Variants in ROBO2 observed in about 807,000 individuals in gnomAD.
The protein encoded by ROBO2 is roundabout guidance receptor 2.
A neutral mutation model predicts 160.8 loss-of-function variants in ROBO2; 53 were observed. The ratio of observed to expected loss-of-function variants is 0.33; its 90% CI spans 0.26 to 0.41. The LOEUF (loss-of-function observed/expected upper bound fraction) is 0.41. Among genes scored for constraint, ROBO2 ranks in the 10% least tolerant of loss-of-function variants. The probability of loss-of-function intolerance (pLI) is 1.00; values close to 1 mark genes in which losing one functional copy is unlikely to be tolerated. For missense variants in ROBO2, 1,577 were observed against 1,722.4 expected (o/e 0.92, Z 1.49); for synonymous variants, 664 against 611.7 (o/e 1.09, Z -1.26).
intron 5 of ROBO2, among the ~76,000 whole-genome samples, chr3:77,503,537 A>T (rs2087970371): frequency 1.4e-5 from 2 of 147,738 alleles, no homozygotes; most frequent in African/African-American, 5.1e-5. Context: ...ATAAATAAAT[A>T]AATAAATAAA....
Position 76,524,826 on chromosome 3 carries a change from TAAAAAAAAAAAAAAAAAA to T in ROBO2, c.110-573165_110-573148del, listed in dbSNP as rs58091252. Among the ~76,000 whole-genome samples the T allele has an allele frequency of 1.1e-3, 23 of 21,740 alleles. 1 individual carries two copies. Among genetic ancestry groups the T allele is most frequent in the Admixed American group, 5.7e-3 (7 of 1,230 alleles). 14.3% of individuals were successfully genotyped at this position (21,740 alleles called of 152,430 possible). A position where few individuals can be genotyped will look rare whatever the true frequency, so the allele number is the denominator to read the frequency against. ...TAAAAACCTATGACCCTCTTATTCCTAAAAAAAAAAAAAAAAAAAAAAAAAAAAAAAAAAAAAAAATAA... is the reference window on the plus strand; with the variant it reads ...TAAAAACCTATGACCCTCTTATTCCTAAAAAAAAAAAAAAAAAAAAAATAA... On this transcript the variant is annotated intron_variant, in intron 2 of 26. Coordinates refer to the ROBO2 transcript ENST00000487694.
chr3:76,937,202 G>A (rs2077762189), intron 2 of ROBO2, among the ~76,000 whole-genome samples: 1 of 152,104 alleles, frequency 6.6e-6, no homozygotes, highest in South Asian at 2.1e-4. Context: ...GTCCATAGAA[G>A]GGCTAGGTCA....
At chr3:76,160,536 A>G (rs898106699) in intron 2 of ROBO2, among the ~76,000 whole-genome samples, 2 of 152,160 alleles carry the variant, frequency 1.3e-5, no homozygotes, top group East Asian at 1.9e-4. Context: ...TGCAAGCTTC[A>G]TCTTCATCGC....
intron 2 of ROBO2, among the ~76,000 whole-genome samples, chr3:76,265,145 G>A (rs1363000754): frequency 1.3e-5 from 2 of 152,116 alleles, no homozygotes; most frequent in Non-Finnish European, 2.9e-5. Flanking sequence ...CTGGAGGCAC[G>A]TGAGTCCCTG....
At position 77,003,695 on chromosome 3, in the gene ROBO2, G is replaced by A. The variant is rs190167401; in HGVS notation, c.110-94319G>A. Among the ~76,000 whole-genome samples the A allele has an allele frequency of 6.2e-4, 94 of 152,110 alleles. No individual in the cohort carries two copies. In the East Asian group the frequency reaches 0.018, roughly 29 times the overall value. ...CCTACCTCAGCCTCCCATTGCAAGC[G>A]CCTGCCACCACACCCGGCTAATTTT... On this transcript the variant is annotated intron_variant, in intron 2 of 26. Coordinates refer to the ROBO2 transcript ENST00000487694.
At chr3:76,871,822 G>T (rs2072123118) in intron 2 of ROBO2, among the ~76,000 whole-genome samples, 1 of 152,140 alleles carries the variant, frequency 6.6e-6, no homozygotes. Context: ...GTAGCCACCA[G>T]CTCTTGCTTA....
chr3:76,624,796 CAAAAAAAAAAAAAAAAAAAA>C (rs57920315), intron 2 of ROBO2, among the ~76,000 whole-genome samples: 7 of 46,324 alleles, frequency 1.5e-4, no homozygotes, highest in African/African-American at 6.2e-4. Flanking sequence ...GACTCCGTCT[CAAAAAAAAAAAAAAAAAAAA>C]AAAAAAAAAA....
At chr3:76,531,687 C>T (rs1447785) in intron 2 of ROBO2, among the ~76,000 whole-genome samples, 6,705 of 143,874 alleles carry the variant, frequency 0.047, 555 homozygotes, top group African/African-American at 0.16. Context: ...CAACAGTAAT[C>T]CAATGAAGTT....
intron 20 of ROBO2, among the ~76,000 whole-genome samples, chr3:77,607,401 GACCT>G (rs2094546192): frequency 1.3e-5 from 2 of 152,152 alleles, no homozygotes; most frequent in South Asian, 4.1e-4. Flanking sequence ...TATATCCTTA[GACCT>G]TGCATTTTCC....
intron 9 of ROBO2, 103 bp from the exon 11 acceptor site, chr3:77,562,548 A>G (rs1431372983): frequency 7.8e-6 from 6 of 768,928 alleles, no homozygotes; most frequent in South Asian, 7.5e-5. Flanking sequence ...CAACAAAATG[A>G]TACATCTAAT....
At chr3:77,303,815 A>C (rs1044628796) in intron 2 of ROBO2, among the ~76,000 whole-genome samples, 2 of 152,084 alleles carry the variant, frequency 1.3e-5, no homozygotes, top group African/African-American at 4.8e-5. Context: ...ATACATATAT[A>C]TATGCAAGTG....
chr3:77,590,516 T>C (rs2094154445), intron 17 of ROBO2, among the ~76,000 whole-genome samples: 1 of 152,116 alleles, frequency 6.6e-6, no homozygotes, highest in Non-Finnish European at 1.5e-5. Flanking sequence ...TCATATTACA[T>C]CTCTGTGATA....
intron 2 of ROBO2, among the ~76,000 whole-genome samples, chr3:76,892,392 A>G (rs965472039): frequency 1.1e-4 from 16 of 152,178 alleles, no homozygotes; most frequent in Non-Finnish European, 2.1e-4. Flanking sequence ...CTTAGCCCAT[A>G]GCCATTACCA....
chr3:76,598,947 ATT>A (rs924088320), intron 2 of ROBO2, among the ~76,000 whole-genome samples: 53 of 152,306 alleles, frequency 3.5e-4, no homozygotes, highest in African/African-American at 1.2e-3. Flanking sequence ...AAACATGTCT[ATT>A]CCATTATTCT....
intron 2 of ROBO2, among the ~76,000 whole-genome samples, chr3:76,344,567 C>T (rs187899510): frequency 8.5e-5 from 13 of 152,206 alleles, no homozygotes; most frequent in Non-Finnish European, 1.0e-4. Flanking sequence ...CTATGTGAAA[C>T]GTGGACCTAT....
At chr3:75,976,349 C>G (rs2065133369) in intron 2 of ROBO2, among the ~76,000 whole-genome samples, 1 of 151,452 alleles carries the variant, frequency 6.6e-6, no homozygotes, top group Non-Finnish European at 1.5e-5. Context: ...CACATTCATG[C>G]AATGTAATAC....
chr3:77,565,789 T>C (rs2093463226), intron 12 of ROBO2, among the ~76,000 whole-genome samples: 2 of 152,086 alleles, frequency 1.3e-5, no homozygotes, highest in Non-Finnish European at 2.9e-5. Flanking sequence ...CTTTCGACTA[T>C]AATGTAAAAT....
intron 2 of ROBO2, among the ~76,000 whole-genome samples, chr3:77,207,288 A>G (rs2083561781): frequency 6.6e-6 from 1 of 151,820 alleles, no homozygotes. Context: ...TTTTCTATCT[A>G]TTTTAGTTAG....
At chr3:76,622,893 A>G (rs1293320861) in intron 2 of ROBO2, among the ~76,000 whole-genome samples, 1 of 152,166 alleles carries the variant, frequency 6.6e-6, no homozygotes, top group Admixed American at 6.5e-5. Context: ...AATCCAAGTC[A>G]GGCGCTGAGG....
Sources: gnomAD v4.1 joint callset for allele counts (sites outside exome capture counted in the v4.1 genomes callset) on GRCh38, gnomAD v4.1.1 for gene constraint, MANE v1.5 for transcripts, NCBI Gene and HGNC (gene_info 2026-07-23, HGNC 2026-07-21) for gene names.